Variants in RNF216 observed in about 807,000 individuals in gnomAD.
The protein encoded by RNF216 is ring finger protein 216.
Under a neutral mutation model 110.8 loss-of-function variants are expected in RNF216, and 72 were observed. The ratio of observed to expected loss-of-function variants is 0.65; its 90% confidence interval spans 0.54 to 0.79. The LOEUF (loss-of-function observed/expected upper bound fraction) is 0.79. RNF216 is among the 30% of genes least tolerant of loss of function. The pLI is 0.00. For missense variants in RNF216, 1,342 were observed against 1,141.2 expected, an observed-to-expected ratio of 1.18 and a Z score of -2.54; for synonymous variants, 495 against 407.5, an observed-to-expected ratio of 1.21 and a Z score of -2.59.
At chr7:5,738,833 C>T (rs1794589463) in intron 5 of RNF216, among the ~76,000 whole-genome samples, 1 of 151,684 alleles carries the variant, frequency 6.6e-6, no homozygotes, top group Non-Finnish European at 1.5e-5. Flanking sequence ...CAGGTAGTAT[C>T]AACGCTTAGA....
chr7:5,656,558 T>C (rs1788757873), intron 13 of RNF216, among the ~76,000 whole-genome samples: 1 of 152,064 alleles, frequency 6.6e-6, no homozygotes, highest in South Asian at 2.1e-4. Flanking sequence ...GCTCCCGCCC[T>C]CTCAGGGGGG....
In RNF216 at chr7:5,739,285, T is replaced by C; in HGVS notation, c.1112A>G (p.Asp371Gly). Residue 371 changes from aspartate to glycine, a missense_variant, in exon 5 of 17, where the codon GAT (aspartate) becomes GGT (glycine). By Grantham distance (94) the Asp-to-Gly change is moderately conservative (BLOSUM62 -1). Coordinates refer to ENST00000389902, the MANE Select transcript of RNF216 (RefSeq NM_207111.4). ...ATGGTAGTATACTTACACATTCAGA[T>C]CATAATAATTCTTAAAATGAATTAT... is the stretch of plus-strand genomic sequence containing the variant. The part of the protein sequence containing the change: ...EEIIHFKNYY[D>G]LNVLCNFLLE... The C allele has an allele frequency of 3.1e-6, 5 of 1,592,890 alleles. No individual in the cohort carries two copies. Among genetic ancestry groups the C allele is most frequent in the Non-Finnish European group, 4.3e-6 (5 of 1,173,598 alleles).
chr7:5,620,124 C>T lies in RNF216; in HGVS notation c.*2736G>A, dbSNP rs1584317285. On this transcript the variant is annotated 3_prime_UTR_variant, in exon 17 of 17. Transcript: ENST00000389902. ...GGCTTTTTACACACAGTAGTTGAAA[C>T]GGAATTATTTTATCTATTTTTACTA... 1 of 152,192 alleles carries T rather than the reference C, an allele frequency of 6.6e-6. No individual in the cohort carries two copies. The highest frequency in any genetic ancestry group is 1.5e-5 in the Non-Finnish European group (1 of 68,034). The allele number at this position is 152,192 out of a possible 1,614,324, so 9.4% of individuals were successfully genotyped here.
intron 13 of RNF216, among the ~76,000 whole-genome samples, chr7:5,684,247 C>A (rs945460322): frequency 2.6e-5 from 4 of 151,880 alleles, no homozygotes; most frequent in Non-Finnish European, 5.9e-5. Flanking sequence ...GGACTACAGG[C>A]ACCCGCCACC....
At chr7:5,709,867 G>A (rs1431857350) in intron 13 of RNF216, among the ~76,000 whole-genome samples, 1 of 152,190 alleles carries the variant, frequency 6.6e-6, no homozygotes, top group East Asian at 1.9e-4. Flanking sequence ...TGATTGTCCT[G>A]CCTCAGTCTC....
chr7:5,775,150 G>A (rs1466606064), intron 1 of RNF216: 1 of 152,080 alleles, frequency 6.6e-6, no homozygotes, highest in Non-Finnish European at 1.5e-5. Flanking sequence ...TATTCACCAT[G>A]GCCATAGAAC....
intron 14 of RNF216, among the ~76,000 whole-genome samples, chr7:5,643,241 G>T (rs1787850225): frequency 6.6e-6 from 1 of 152,046 alleles, no homozygotes; most frequent in African/African-American, 2.4e-5. Flanking sequence ...GCATTTGTAA[G>T]AGTAGTACTG....
intron 14 of RNF216, among the ~76,000 whole-genome samples, chr7:5,648,209 T>C (rs1040265561): frequency 1.3e-5 from 2 of 151,564 alleles, no homozygotes; most frequent in African/African-American, 4.8e-5. Context: ...TAGGTTCAAG[T>C]GATTCTCTTG....
intron 13 of RNF216, among the ~76,000 whole-genome samples, chr7:5,683,847 G>C (rs576666114): frequency 1.3e-5 from 2 of 152,114 alleles, no homozygotes; most frequent in Non-Finnish European, 2.9e-5. Flanking sequence ...TTACAGCCTA[G>C]TTGCTATGGC....
rs550286998 is a variant in RNF216 at position 5,654,483 on chromosome 7, T to C, written c.2062-1973A>G. ...AGGCAAATCATTTGAGGTCAGAAGT[T>C]CGAGACCAGCCTGGCTAACATGGCG... On this transcript the variant is annotated intron_variant, in intron 13 of 16. Transcript: ENST00000389902. 3.6e-4 allele frequency among the ~76,000 whole-genome samples: 55 copies of C among 151,674 alleles called. 1 individual carries two copies. In the South Asian group the frequency reaches 0.011, roughly 30 times the overall value.
intron 8 of RNF216, among the ~76,000 whole-genome samples, chr7:5,723,113 A>C (rs1237769420): frequency 2.0e-5 from 3 of 152,168 alleles, no homozygotes; most frequent in Admixed American, 2.0e-4. Context: ...CTTTTTTTCT[A>C]TAAAATGATA....
intron 13 of RNF216, among the ~76,000 whole-genome samples, chr7:5,707,271 G>A (rs1451035482): frequency 1.3e-5 from 2 of 152,112 alleles, no homozygotes; most frequent in East Asian, 1.9e-4. Context: ...GCATTTTAGG[G>A]ATGTCTTTCC....
chr7:5,753,940 A>G (rs1056514240), intron 2 of RNF216, among the ~76,000 whole-genome samples: 3 of 152,152 alleles, frequency 2.0e-5, no homozygotes, highest in Non-Finnish European at 4.4e-5. Flanking sequence ...GGTTGCAGTG[A>G]GCTGAGATCG....
rs746130603 is a variant in RNF216 at position 5,741,290 on chromosome 7, G to C, written c.727C>G (p.Arg243Gly). 18 of 1,613,964 alleles carry C rather than the reference G, an allele frequency of 1.1e-5. No homozygotes were observed. The South Asian group carries it at 1.9e-4, about 17-fold the overall frequency. The change falls in exon 4 of 17, where the codon CGT becomes GGT. Residue 243 changes from arginine (R) to glycine (G), a missense_variant. Arg to Gly is a moderately radical substitution (Grantham distance 125). Transcript: ENST00000389902. ...GGAACGACCTGGTTTGTTATTTCAC[G>C]GGGCTGTTGGTTCAGAGACTGGAAG... Reference protein sequence around the residue: ...PYFQSLNQQPREITNQVVPQE... With the variant: ...PYFQSLNQQPGEITNQVVPQE...
chr7:5,730,570 A>G, intron 6 of RNF216, 145 bp downstream of exon 6: 1 of 984,218 alleles, frequency 1.0e-6, no homozygotes, highest in South Asian at 1.7e-5. Context: ...GTATAGATAT[A>G]TTCTGAAATC....
chr7:5,718,547 AC>A (rs1313216526), intron 9 of RNF216, among the ~76,000 whole-genome samples: 11 of 145,654 alleles, frequency 7.6e-5, no homozygotes, highest in African/African-American at 2.8e-4. Flanking sequence ...GAAATAACCC[AC>A]CCTTTTTTTT....
chr7:5,778,550 C>T (rs527988818), intron 1 of RNF216, among the ~76,000 whole-genome samples: 1 of 152,236 alleles, frequency 6.6e-6, no homozygotes, highest in African/African-American at 2.4e-5. Context: ...ATCCCAAAGC[C>T]CCAGGACATA....
intron 6 of RNF216, 77 bp from the exon 7 acceptor site, chr7:5,729,673 C>T (rs1793973412): frequency 5.8e-6 from 7 of 1,204,198 alleles, no homozygotes; most frequent in Non-Finnish European, 8.4e-6. Context: ...TTAAGAATTA[C>T]ATGTGTAGAA....
chr7:5,650,566 G>C (rs535120710), intron 14 of RNF216, among the ~76,000 whole-genome samples: 6 of 152,050 alleles, frequency 3.9e-5, no homozygotes, highest in African/African-American at 1.4e-4. Context: ...TTGTAGGACC[G>C]GGGTCTCTAT....
Sources: gnomAD v4.1 joint callset for allele counts (sites outside exome capture counted in the v4.1 genomes callset) on GRCh38, gnomAD v4.1.1 for gene constraint, MANE v1.5 for transcripts, NCBI Gene and HGNC (gene_info 2026-07-23, HGNC 2026-07-21) for gene names.